Variants in ANXA2 observed in about 807,000 individuals in gnomAD.
ANXA2 encodes annexin II.
In ANXA2, 28 loss-of-function variants were observed where a neutral mutation model predicts 47.3. The ratio of observed to expected loss-of-function variants is 0.59; its 90% CI spans 0.44 to 0.81. The LOEUF (loss-of-function observed/expected upper bound fraction) is 0.81. ANXA2 is among the 40% of genes least tolerant of loss of function. ANXA2 has a pLI of 0.00. For missense variants in ANXA2, 384 were observed against 414.3 expected (o/e 0.93, Z 0.64); for synonymous variants, 172 against 155.5 (o/e 1.11, Z -0.79).
At chr15:60,350,543 A>T (rs9972449) in intron 11 of ANXA2, among the ~76,000 whole-genome samples, 1 of 152,070 alleles carries the variant, frequency 6.6e-6, no homozygotes, top group Non-Finnish European at 1.5e-5. Flanking sequence ...CAGAGGCAGC[A>T]CAGACAAGGG....
intron 5 of ANXA2, among the ~76,000 whole-genome samples, chr15:60,359,138 G>C (rs1033990738): frequency 6.6e-6 from 1 of 152,096 alleles, no homozygotes; most frequent in Non-Finnish European, 1.5e-5. Context: ...TTTTGGACGG[G>C]TATTCAACTG....
intron 1 of ANXA2, among the ~76,000 whole-genome samples, chr15:60,389,588 G>A (rs552090587): frequency 2.8e-4 from 43 of 152,178 alleles, no homozygotes; most frequent in Admixed American, 5.2e-4. Flanking sequence ...TCTTCCTTTC[G>A]GTTTCACCAT....
chr15:60,382,639 C>A, intron 2 of ANXA2, 198 bp from the exon 3 acceptor site: 1 of 444,912 alleles, frequency 2.2e-6, no homozygotes, highest in Non-Finnish European at 4.1e-6. Flanking sequence ...TCTTCAAAGG[C>A]TCAGCTAGTT....
chr15:60,381,396 A>G (rs1416711275), intron 3 of ANXA2, among the ~76,000 whole-genome samples: 2 of 152,150 alleles, frequency 1.3e-5, no homozygotes, highest in Non-Finnish European at 2.9e-5. Flanking sequence ...AGAATCACAA[A>G]AGTCACCACG....
chr15:60,381,568 T>C (rs2062859904), intron 3 of ANXA2, among the ~76,000 whole-genome samples: 1 of 152,120 alleles, frequency 6.6e-6, no homozygotes, highest in African/African-American at 2.4e-5. Context: ...AGCACTTTAT[T>C]TGCTTTATTT....
In ANXA2 at chr15:60,351,777, T is replaced by C; in HGVS notation, c.725A>G (p.Glu242Gly). 6.2e-7 allele frequency: 1 copy of C among 1,613,938 alleles called. No individual in the cohort carries two copies. The highest frequency in any genetic ancestry group is 1.1e-5 in the South Asian group (1 of 91,080). Reference protein sequence around the residue: ...YKSYSPYDMLESIRKEVKGDL... With the variant: ...YKSYSPYDMLGSIRKEVKGDL... The stretch of plus-strand genomic sequence containing the variant: ...TCCTTTAACCTCTTTCCTGATGCTT[T>C]CCAACATGTCATAAGGGCTGTAACT... The change falls in exon 10 of 13, where the codon GAA (glutamate) becomes GGA (glycine). Residue 242 changes from glutamate (E) to glycine (G), a missense_variant. By Grantham distance (98) the Glu-to-Gly change is moderately conservative. Transcript: ENST00000451270.
At chr15:60,379,143 G>A (rs966828332) in intron 3 of ANXA2, among the ~76,000 whole-genome samples, 1 of 151,640 alleles carries the variant, frequency 6.6e-6, no homozygotes, top group South Asian at 2.1e-4. Flanking sequence ...ACCAGGTGTG[G>A]TGGCGCACAC....
intron 1 of ANXA2, chr15:60,393,529 CAT>C (rs2063041928): frequency 2.0e-6 from 2 of 987,242 alleles, no homozygotes; most frequent in South Asian, 4.7e-5. Context: ...TACACACACA[CAT>C]GCATACACGC....
At chr15:60,384,899 C>G (rs1352115304) in intron 2 of ANXA2, 2 of 152,226 alleles carry the variant, frequency 1.3e-5, no homozygotes, top group African/African-American at 2.4e-5. Flanking sequence ...TCGGATATGG[C>G]TACAAACCAG....
chr15:60,379,641 G>A (rs1379394149), intron 3 of ANXA2, among the ~76,000 whole-genome samples: 1 of 152,158 alleles, frequency 6.6e-6, no homozygotes. Flanking sequence ...CAAGACCTGG[G>A]GATGACAGAA....
chr15:60,349,430 T>C (rs563309517), intron 11 of ANXA2, among the ~76,000 whole-genome samples: 1 of 152,354 alleles, frequency 6.6e-6, no homozygotes, highest in African/African-American at 2.4e-5. Flanking sequence ...CTTTAGGCTA[T>C]GTGTGTAAGG....
At chr15:60,384,675 G>A (rs1390350818) in intron 2 of ANXA2, 1 of 152,058 alleles carries the variant, frequency 6.6e-6, no homozygotes, top group Non-Finnish European at 1.5e-5. Context: ...GCATGCACAC[G>A]TTTCAAGAAG....
chr15:60,374,333 G>C (rs1235377867), intron 3 of ANXA2: 8 of 385,702 alleles, frequency 2.1e-5, no homozygotes, highest in South Asian at 1.6e-4. Context: ...GTCAGTGAAG[G>C]AACATGCATA....
intron 4 of ANXA2, 84 bp from the exon 5 acceptor site, chr15:60,361,138 T>C (rs2062506591): frequency 1.0e-6 from 1 of 957,894 alleles, no homozygotes; most frequent in Non-Finnish European, 1.7e-6. Flanking sequence ...GGGATCTTTT[T>C]GTGAAGCAGG....
At chr15:60,361,159 T>C in intron 4 of ANXA2, 105 bp from the exon 5 acceptor site, 1 of 788,266 alleles carries the variant, frequency 1.3e-6, no homozygotes, top group Non-Finnish European at 2.2e-6. Flanking sequence ...TTGTGAGTCT[T>C]TGACCACTCC....
chr15:60,364,356 G>A, intron 4 of ANXA2, 73 bp downstream of exon 4: 1 of 1,224,306 alleles, frequency 8.2e-7, no homozygotes, highest in Admixed American at 2.0e-5. Context: ...CACAATTCAT[G>A]AAAAGAAAAA....
chr15:60,380,319 C>G (rs1215286984), intron 3 of ANXA2, among the ~76,000 whole-genome samples: 1 of 151,988 alleles, frequency 6.6e-6, no homozygotes, highest in African/African-American at 2.4e-5. Flanking sequence ...GTGTTTTCCC[C>G]AAGTCGGGTG....
intron 1 of ANXA2, 100 bp downstream of exon 1, chr15:60,397,843 T>C: frequency 1.4e-6 from 2 of 1,386,376 alleles, no homozygotes; most frequent in Middle Eastern, 1.9e-4. Context: ...CCGGGGCCAG[T>C]TGCCGGGGCC....
intron 1 of ANXA2, chr15:60,392,930 GGA>G: frequency 6.8e-6 from 7 of 1,036,926 alleles, no homozygotes; most frequent in Non-Finnish European, 7.3e-6. Context: ...AGGCCACACT[GGA>G]ATTTTAAACT....
Sources: gnomAD v4.1 joint callset for allele counts (sites outside exome capture counted in the v4.1 genomes callset) on GRCh38, gnomAD v4.1.1 for gene constraint, MANE v1.5 for transcripts, NCBI Gene and HGNC (gene_info 2026-07-23, HGNC 2026-07-21) for gene names.